TNNT1: variants seen among roughly 807,000 people sequenced by gnomAD.
TNNT1 encodes troponin T1, slow skeletal type, also known as troponin T, slow skeletal muscle.
A neutral mutation model predicts 50.6 loss-of-function variants in TNNT1; 53 were observed. The observed-to-expected ratio is 1.05, with a 90% confidence interval of 0.84 to 1.32. The LOEUF is 1.32. TNNT1 is among the 40% of genes most tolerant of loss of function. TNNT1 has a pLI of 0.00. For synonymous variants in TNNT1, 142 were observed against 138.0 expected, an observed-to-expected ratio of 1.03 and a Z score of -0.20; for missense variants, 348 against 381.7, an observed-to-expected ratio of 0.91 and a Z score of 0.74.
intron 11 of TNNT1, 62 bp downstream of exon 11, chr19:55,137,041 G>T: frequency 1.8e-6 from 2 of 1,094,328 alleles, no homozygotes; most frequent in Non-Finnish European, 2.7e-6. Context: ...CTGGGTGTGA[G>T]CTCCTTTATC....
rs1049123555 is a variant in TNNT1, at chr19:55,146,462, G to C, written c.78C>G (p.Pro26=). The C allele has an allele frequency of 2.9e-6, 4 of 1,372,352 alleles. No homozygotes were observed. In the African/African-American group the frequency reaches 4.5e-5, roughly 15 times the overall value. 85.0% of individuals were successfully genotyped at this position (1,372,352 alleles called of 1,614,324 possible). ...EEAAEEEEEA[P]EEPEPVAEPE... ...GCTCTGCCACCGGCTCCGGCTCTTC[G>C]GGGGCTGGGGAGGGGAGGGAGGAGC... Residue 26 remains proline (P), a synonymous_variant, in exon 5 of 14, where the codon CCC becomes CCG. Coordinates refer to ENST00000588981, the MANE Select transcript of TNNT1 (RefSeq NM_003283.6).
intron 12 of TNNT1, 36 bp from the exon 13 acceptor site, chr19:55,133,963 T>A: frequency 6.7e-7 from 1 of 1,482,712 alleles, no homozygotes; most frequent in Non-Finnish European, 8.9e-7. Flanking sequence ...GGACAGCCGG[T>A]GGGGACGTGG....
chr19:55,146,850 G>A (rs984920031), intron 3 of TNNT1, 143 bp from the exon 4 acceptor site: 1 of 1,213,186 alleles, frequency 8.2e-7, no homozygotes, highest in African/African-American at 1.5e-5. Context: ...TGGCGGTGCA[G>A]GGATGGCGCG....
intron 1 of TNNT1, 64 bp from the exon 2 acceptor site, chr19:55,147,232 T>A: frequency 6.6e-7 from 1 of 1,526,590 alleles, no homozygotes; most frequent in Non-Finnish European, 9.0e-7. Context: ...CCTAGACTCC[T>A]GGGTGTGAGG....
At chr19:55,145,021 T>A (rs2085521646) in intron 6 of TNNT1, among the ~76,000 whole-genome samples, 1 of 151,568 alleles carries the variant, frequency 6.6e-6, no homozygotes. Context: ...TGGCTGGGCA[T>A]GGTGGCTTGC....
chr19:55,146,498 TGGGGAGCGAGG>T (rs1599894180), intron 4 of TNNT1, 32 bp from the exon 5 acceptor site: 1 of 987,264 alleles, frequency 1.0e-6, no homozygotes, highest in Non-Finnish European at 1.2e-6. Flanking sequence ...AGCGAGGGTT[TGGGGAGCGAGG>T]GGGGAGCGGC....
chr19:55,133,536 C>A (rs191289325), intron 13 of TNNT1: 4 of 373,906 alleles, frequency 1.1e-5, no homozygotes, highest in East Asian at 5.9e-5. Flanking sequence ...AAATTAGCCA[C>A]GCTTGGTGGC....
At chr19:55,137,869 C>T in intron 10 of TNNT1, 92 bp downstream of exon 10, 1 of 1,501,512 alleles carries the variant, frequency 6.7e-7, no homozygotes, top group South Asian at 1.1e-5. Flanking sequence ...GGAATCCAGG[C>T]CTCAGCCCCT....
intron 5 of TNNT1, 80 bp from the exon 6 acceptor site, chr19:55,145,645 G>A: frequency 6.5e-7 from 1 of 1,545,884 alleles, no homozygotes; most frequent in Non-Finnish European, 8.9e-7. Context: ...CCCTGGGGAG[G>A]GACCCCCCAA....
At chr19:55,142,890 G>A (rs1440599851) in intron 6 of TNNT1, among the ~76,000 whole-genome samples, 1 of 151,014 alleles carries the variant, frequency 6.6e-6, no homozygotes, top group African/African-American at 2.4e-5. Flanking sequence ...CAGCCTGGGC[G>A]CGGTGGCTCA....
At chr19:55,137,255 CCACAGAGCACTGCCGTGTCGGG>C in intron 10 of TNNT1, 43 bp from the exon 11 acceptor site, 1 of 1,392,636 alleles carries the variant, frequency 7.2e-7, no homozygotes, top group Non-Finnish European at 1.0e-6. Flanking sequence ...GGGCCACATC[CCACAGAGCACTGCCGTGTCGGG>C]ACCCACACGT....
Position 55,140,970 on chromosome 19 carries a change from G to A in TNNT1, c.310-10C>T. 6.2e-7 allele frequency: 1 copy of A among 1,613,536 alleles called. No homozygotes were observed. Among genetic ancestry groups the A allele is most frequent in the South Asian group, 1.1e-5 (1 of 91,046 alleles). ...CTGACCGGCGCCGCTCCTGGGAAACGGAGAAGCATAAGGGGGTGCAGGGAC... is the reference window on the plus strand; with the variant it reads ...CTGACCGGCGCCGCTCCTGGGAAACAGAGAAGCATAAGGGGGTGCAGGGAC... On this transcript the variant is annotated splice_polypyrimidine_tract_variant and intron_variant, in intron 8 of 13. Coordinates refer to ENST00000588981, the MANE Select transcript of TNNT1 (RefSeq NM_003283.6).
chr19:55,141,911 C>G lies in TNNT1; in HGVS notation c.138G>C (p.Val46=). 1 of 1,614,038 alleles carries G rather than the reference C, an allele frequency of 6.2e-7. No homozygotes were observed. Among genetic ancestry groups the G allele is most frequent in the Non-Finnish European group, 8.5e-7 (1 of 1,179,976 alleles). Residue 46 remains valine (V), a synonymous_variant, in exon 7 of 14, where the codon GTG becomes GTC. Transcript: ENST00000588981. ...TCTTTGGCGGGATCAAAGGAGGCACCACGGGGCGGCTGAGTGGACAGAAAC... is the reference window on the plus strand; with the variant it reads ...TCTTTGGCGGGATCAAAGGAGGCACGACGGGGCGGCTGAGTGGACAGAAAC... ...EEERPKPSRP[V]VPPLIPPKIP...
chr19:55,143,865 T>C (rs1459889904), intron 6 of TNNT1, among the ~76,000 whole-genome samples: 1 of 152,106 alleles, frequency 6.6e-6, no homozygotes, highest in Non-Finnish European at 1.5e-5. Context: ...TCCTGAACTT[T>C]TCCCACCTTC....
Position 55,134,216 on chromosome 19 carries a change from G to A in TNNT1, c.612-12C>T, listed in dbSNP as rs1175710715. On this transcript the variant is annotated splice_polypyrimidine_tract_variant and intron_variant, in intron 11 of 13. Transcript: ENST00000588981. Reference sequence around the variant, plus strand: ...AGGCAGACCGGGCCCTAGGCCCAGGGACGGAGAGGAACTTGGGCCCAGAGA... The same window carrying A: ...AGGCAGACCGGGCCCTAGGCCCAGGAACGGAGAGGAACTTGGGCCCAGAGA... The A allele has an allele frequency of 1.3e-6, 2 of 1,558,920 alleles. No individual in the cohort carries two copies.
chr19:55,145,059 C>T (rs574383022), intron 6 of TNNT1, among the ~76,000 whole-genome samples: 34 of 149,570 alleles, frequency 2.3e-4, no homozygotes, highest in South Asian at 1.1e-3. Context: ...TTTGGGAGGC[C>T]AAGGTGGGAG....
chr19:55,133,310 G>A (rs1047035797), intron 13 of TNNT1, among the ~76,000 whole-genome samples: 5 of 151,968 alleles, frequency 3.3e-5, no homozygotes, highest in Non-Finnish European at 7.4e-5. Context: ...AAAGAGACAG[G>A]AAATGGGAGA....
At position 55,134,174 on chromosome 19, in the gene TNNT1, C is replaced by T. The variant is rs1279348306; in HGVS notation, c.642G>A (p.Gln214=). The change falls in exon 12 of 14, where the codon CAG becomes CAA. Residue 214 remains glutamine, a synonymous_variant. Coordinates refer to ENST00000588981, the MANE Select transcript of TNNT1 (RefSeq NM_003283.6). ...CTTTCTCCCTGGCAGGGCAGGAGGG[C>T]TGTGATGGAGGCAGCCAGGCAGACC... is the stretch of plus-strand genomic sequence containing the variant. ...RARSAWLPPS[Q]PSCPAREKAQ... is the part of the protein sequence containing the mutation. 1.3e-6 allele frequency: 2 copies of T among 1,591,144 alleles called. No homozygotes were observed. Among genetic ancestry groups the T allele is most frequent in the South Asian group, 1.1e-5 (1 of 87,564 alleles).
chr19:55,145,642 G>C, intron 5 of TNNT1, 77 bp from the exon 6 acceptor site: 2 of 1,557,104 alleles, frequency 1.3e-6, no homozygotes, highest in Non-Finnish European at 1.8e-6. Context: ...ACACCCTGGG[G>C]AGGGACCCCC....
Sources: allele counts gnomAD v4.1 joint callset (sites outside exome capture counted in the v4.1 genomes callset), GRCh38; gene constraint gnomAD v4.1.1; transcripts MANE v1.5; gene names NCBI Gene and HGNC (gene_info 2026-07-23, HGNC 2026-07-21).